Variants in DIP2B observed in about 807,000 individuals in gnomAD.
The protein encoded by DIP2B is DIP2 acetate--CoA ligase B (putative), also known as disco-interacting protein 2 homolog B.
A neutral mutation model predicts 198.0 loss-of-function variants in DIP2B; 76 were observed. That is an observed-to-expected ratio of 0.38 (90% confidence interval 0.32 to 0.46). The LOEUF (loss-of-function observed/expected upper bound fraction) is 0.46, where lower values mean the gene tolerates loss of function less well. Among genes scored for constraint, DIP2B ranks in the 20% least tolerant of loss-of-function variants. The pLI, the probability that DIP2B is intolerant of heterozygous loss-of-function variation, is 0.99. For missense variants in DIP2B, 1,559 were observed against 1,978.4 expected (o/e 0.79, Z 4.02); for synonymous variants, 701 against 739.1 (o/e 0.95, Z 0.84).
In DIP2B at chr12:50,590,366, AT is replaced by A. The variant is rs796081494; in HGVS notation, c.101-35598del. ...GAGGACAGTTGTGGCCCAAGGAGTGATTTTTTTTTTTTCTTTTTCCTGAGAC... is the reference window on the plus strand; with the variant it reads ...GAGGACAGTTGTGGCCCAAGGAGTGATTTTTTTTTTTCTTTTTCCTGAGAC... On this transcript the variant is annotated intron_variant, in intron 1 of 37. Transcript: ENST00000301180. Among the ~76,000 whole-genome samples the A allele has an allele frequency of 9.0e-3, 1,268 of 140,986 alleles. 13 individuals are homozygous for A. Among genetic ancestry groups the A allele is most frequent in the African/African-American group, 0.027 (1,024 of 38,552 alleles). The allele number at this position is 140,986 out of a possible 152,430, so 92.5% of individuals were successfully genotyped here.
At chr12:50,613,210 C>T (rs963864584) in intron 1 of DIP2B, among the ~76,000 whole-genome samples, 1 of 152,186 alleles carries the variant, frequency 6.6e-6, no homozygotes, top group Admixed American at 6.5e-5. Context: ...CAGTTAATTT[C>T]CCTGTGTCTC....
At chr12:50,723,501 G>A (rs1255827735) in intron 27 of DIP2B, among the ~76,000 whole-genome samples, 178 bp downstream of exon 27, 1 of 152,156 alleles carries the variant, frequency 6.6e-6, no homozygotes, top group Non-Finnish European at 1.5e-5. Context: ...GAAGGAACTG[G>A]GGGAAAGTGG....
intron 25 of DIP2B, among the ~76,000 whole-genome samples, chr12:50,720,730 A>G (rs1448973737): frequency 2.6e-5 from 4 of 152,188 alleles, no homozygotes; most frequent in African/African-American, 9.6e-5. Flanking sequence ...TGCAAGCTGC[A>G]GTGAGCTGTG....
intron 1 of DIP2B, among the ~76,000 whole-genome samples, chr12:50,586,151 G>T (rs1194468321): frequency 6.6e-6 from 1 of 152,198 alleles, no homozygotes; most frequent in Non-Finnish European, 1.5e-5. Context: ...TGAAGGCTCT[G>T]CCAGCCTCAC....
intron 2 of DIP2B, among the ~76,000 whole-genome samples, chr12:50,629,990 G>T (rs1053917393): frequency 7.0e-6 from 1 of 142,628 alleles, no homozygotes; most frequent in Non-Finnish European, 1.5e-5. Context: ...TTGCTCTGTC[G>T]CCAGGCTGGA....
chr12:50,707,954 C>T (rs760991714), intron 21 of DIP2B, among the ~76,000 whole-genome samples: 1 of 152,140 alleles, frequency 6.6e-6, no homozygotes, highest in East Asian at 1.9e-4. Context: ...CTGCCAAGCT[C>T]GTCCCTACCT....
chr12:50,525,476 A>G lies in DIP2B; in HGVS notation c.100+20236A>G, dbSNP rs115895017. Among the ~76,000 whole-genome samples the G allele has an allele frequency of 7.1e-3, 1,076 of 151,278 alleles. 16 individuals carry two copies. Among genetic ancestry groups the G allele is most frequent in the African/African-American group, 0.025 (1,035 of 41,254 alleles). On this transcript the variant is annotated intron_variant, in intron 1 of 37. Transcript: ENST00000301180. ...AAATAGGCATTTCTTTTCTTCCTTGAACTCAACCGTGATGCATGTTGCTGC... is the reference window on the plus strand; with the variant it reads ...AAATAGGCATTTCTTTTCTTCCTTGGACTCAACCGTGATGCATGTTGCTGC...
chr12:50,613,500 A>G (rs1217112076), intron 1 of DIP2B, among the ~76,000 whole-genome samples: 1 of 152,156 alleles, frequency 6.6e-6, no homozygotes, highest in Non-Finnish European at 1.5e-5. Context: ...CCTTTTTCGT[A>G]GAGAAAAGGT....
intron 1 of DIP2B, among the ~76,000 whole-genome samples, chr12:50,615,257 C>T (rs1937676814): frequency 6.6e-6 from 1 of 152,140 alleles, no homozygotes; most frequent in Admixed American, 6.5e-5. Flanking sequence ...ACCCCCTCCC[C>T]CGCCATTTCT....
At chr12:50,642,111 G>A (rs1426383172) in intron 3 of DIP2B, among the ~76,000 whole-genome samples, 1 of 151,952 alleles carries the variant, frequency 6.6e-6, no homozygotes, top group African/African-American at 2.4e-5. Context: ...AGAAAAGGAT[G>A]AGAAATGTTC....
chr12:50,564,469 G>C (rs1958546311), intron 1 of DIP2B, among the ~76,000 whole-genome samples: 1 of 152,130 alleles, frequency 6.6e-6, no homozygotes, highest in African/African-American at 2.4e-5. Context: ...TCAGAAATAG[G>C]AAACAGAAAG....
chr12:50,654,976 G>C, intron 3 of DIP2B: 1 of 445,344 alleles, frequency 2.2e-6, no homozygotes, highest in Non-Finnish European at 4.5e-6. Flanking sequence ...TTCAAGATGT[G>C]ACAAAATTTA....
At chr12:50,727,188 TA>T (rs1274105955) in intron 28 of DIP2B, among the ~76,000 whole-genome samples, 1 of 152,238 alleles carries the variant, frequency 6.6e-6, no homozygotes, top group Non-Finnish European at 1.5e-5. Flanking sequence ...ACATGATTAA[TA>T]TAACACATAC....
At chr12:50,572,513 C>A (rs1958623408) in intron 1 of DIP2B, among the ~76,000 whole-genome samples, 1 of 152,084 alleles carries the variant, frequency 6.6e-6, no homozygotes, top group African/African-American at 2.4e-5. Flanking sequence ...TTACTGAATG[C>A]CTTTGGCAAA....
chr12:50,541,030 T>G (rs1958320628), intron 1 of DIP2B, among the ~76,000 whole-genome samples: 1 of 152,150 alleles, frequency 6.6e-6, no homozygotes, highest in Non-Finnish European at 1.5e-5. Context: ...AGTTTTATAT[T>G]CTAGAATTTA....
Position 50,723,329 on chromosome 12 carries a change from T to C in DIP2B, c.3288+6T>C. ...CTGTCCGAATGATTGTTGATGTAAG[T>C]ACCAGCTGTATCTTGCCTTGTCCTC... On this transcript the variant is annotated splice_donor_region_variant and intron_variant, in intron 27 of 37. Coordinates refer to ENST00000301180, the MANE Select transcript of DIP2B (RefSeq NM_173602.3). 6.2e-7 allele frequency: 1 copy of C among 1,614,166 alleles called. No individual in the cohort carries two copies. The highest frequency in any genetic ancestry group is 8.5e-7 in the Non-Finnish European group (1 of 1,180,004).
At chr12:50,744,158 A>C in intron 37 of DIP2B, among the ~76,000 whole-genome samples, 1 of 152,080 alleles carries the variant, frequency 6.6e-6, no homozygotes. Context: ...CTCACCACCA[A>C]GTCTGGCTAA....
At chr12:50,641,877 T>TTA in intron 3 of DIP2B, among the ~76,000 whole-genome samples, 1 of 152,292 alleles carries the variant, frequency 6.6e-6, no homozygotes. Context: ...AGTGGCAGAA[T>TTA]TAAGCAAAAA....
chr12:50,641,300 T>A (rs575351600), intron 3 of DIP2B, among the ~76,000 whole-genome samples: 71 of 152,262 alleles, frequency 4.7e-4, no homozygotes, highest in African/African-American at 1.7e-3. Flanking sequence ...GAGGTTGCAG[T>A]GAGCTGAGAT....
Sources: allele counts gnomAD v4.1 joint callset (sites outside exome capture counted in the v4.1 genomes callset), GRCh38; gene constraint gnomAD v4.1.1; transcripts MANE v1.5; gene names NCBI Gene and HGNC (gene_info 2026-07-23, HGNC 2026-07-21).